TLL1: variants seen among roughly 807,000 people sequenced by gnomAD.
TLL1 encodes the protein tolloid like 1, also known as tolloid-like protein 1.
In TLL1, 49 loss-of-function variants were observed where a neutral mutation model predicts 128.2. The observed-to-expected ratio is 0.38, with a 90% CI of 0.30 to 0.48. The LOEUF (loss-of-function observed/expected upper bound fraction) is 0.48, where lower values mean the gene tolerates loss of function less well. Among genes scored for constraint, TLL1 ranks in the 20% least tolerant of loss-of-function variants. The pLI, the probability that TLL1 is intolerant of heterozygous loss-of-function variation, is 0.96. For synonymous variants in TLL1, 454 were observed against 418.8 expected (o/e 1.08, Z -1.03); for missense variants, 1,123 against 1,242.0 (o/e 0.90, Z 1.44).
At chr4:165,942,265 C>T (rs1431094082) in intron 1 of TLL1, among the ~76,000 whole-genome samples, 2 of 150,506 alleles carry the variant, frequency 1.3e-5, no homozygotes, top group African/African-American at 2.5e-5. Context: ...AGGTGCTTCC[C>T]ACCACCCTCC....
At position 166,102,597 on chromosome 4, in the gene TLL1, A is replaced by G. The variant is rs1256460802; in HGVS notation, c.*1721A>G. The G allele has an allele frequency of 6.6e-6, 1 of 152,156 alleles. No homozygotes were observed. Among genetic ancestry groups the G allele is most frequent in the South Asian group, 2.1e-4 (1 of 4,828 alleles). 9.4% of individuals were successfully genotyped at this position (152,156 alleles called of 1,614,324 possible). A position where few individuals can be genotyped will look rare whatever the true frequency, so the allele number is the denominator to read the frequency against. On this transcript the variant is annotated 3_prime_UTR_variant, in exon 21 of 21. Transcript: ENST00000061240. ...GATGTCAATATAGATTACTGTATGA[A>G]GTAGCTTTGTGTCTGTTACCTGTCC...
At chr4:165,893,834 T>C (rs933976581) in intron 1 of TLL1, among the ~76,000 whole-genome samples, 10 of 152,080 alleles carry the variant, frequency 6.6e-5, no homozygotes, top group African/African-American at 1.9e-4. Flanking sequence ...TGGTCCCACC[T>C]AAAAAAGCTA....
At chr4:166,053,505 A>G (rs1739855251) in intron 12 of TLL1, among the ~76,000 whole-genome samples, 1 of 152,138 alleles carries the variant, frequency 6.6e-6, no homozygotes, top group South Asian at 2.1e-4. Flanking sequence ...GAGAGTAGGC[A>G]CTGAGTATTT....
rs183402378 is a variant in TLL1, at chr4:165,991,835, A to G, written c.281-969A>G. The stretch of plus-strand genomic sequence containing the variant: ...ATACTCTATGAACCATAGATACTCC[A>G]TGTTACTACAAATTCATAGGCACTT... On this transcript the variant is annotated intron_variant, in intron 2 of 20. Coordinates refer to ENST00000061240, the MANE Select transcript of TLL1 (RefSeq NM_012464.5). 1.9e-3 allele frequency among the ~76,000 whole-genome samples: 294 copies of G among 152,136 alleles called. 1 individual carries two copies. Among genetic ancestry groups the G allele is most frequent in the Non-Finnish European group, 3.3e-3 (224 of 67,900 alleles).
intron 1 of TLL1, among the ~76,000 whole-genome samples, chr4:165,907,581 T>A (rs1044479959): frequency 6.6e-6 from 1 of 150,832 alleles, no homozygotes; most frequent in Non-Finnish European, 1.5e-5. Context: ...GGAGTTTTGA[T>A]CTTGTTGCCC....
chr4:166,087,105 C>A (rs990320112), intron 18 of TLL1, among the ~76,000 whole-genome samples: 1 of 152,076 alleles, frequency 6.6e-6, no homozygotes, highest in Non-Finnish European at 1.5e-5. Context: ...TTGAGGGTAC[C>A]TTTTTACCTT....
chr4:166,023,254 G>T (rs1344011494), intron 8 of TLL1, among the ~76,000 whole-genome samples: 1 of 152,090 alleles, frequency 6.6e-6, no homozygotes, highest in Non-Finnish European at 1.5e-5. Flanking sequence ...ACAAAAATTA[G>T]CTGGGAGTGT....
chr4:165,965,125 C>T lies in TLL1; in HGVS notation c.170-24256C>T, dbSNP rs565877142. On this transcript the variant is annotated intron_variant, in intron 1 of 20. Transcript: ENST00000061240. Reference sequence around the variant, plus strand: ...TTCAAAAACTGCATTTTTAGTCTGTCCTTGACTTTGTTTCTATGTTAAATT... The same window carrying T: ...TTCAAAAACTGCATTTTTAGTCTGTTCTTGACTTTGTTTCTATGTTAAATT... 2.2e-3 allele frequency among the ~76,000 whole-genome samples: 338 copies of T among 151,888 alleles called. 6 individuals are homozygous for T. The highest frequency in any genetic ancestry group is 0.019 in the Admixed American group (292 of 15,264).
At chr4:166,034,734 G>A (rs1198344436) in intron 9 of TLL1, among the ~76,000 whole-genome samples, 1 of 152,076 alleles carries the variant, frequency 6.6e-6, no homozygotes, top group Admixed American at 6.6e-5. Context: ...GGGGTGTAGT[G>A]GGAATTTAGG....
chr4:165,938,337 C>T (rs186223592), intron 1 of TLL1, among the ~76,000 whole-genome samples: 3 of 151,866 alleles, frequency 2.0e-5, no homozygotes, highest in Admixed American at 1.3e-4. Context: ...GATTTTATTC[C>T]CAGTGTTCTG....
chr4:166,008,585 G>C (rs1211141323), intron 7 of TLL1, among the ~76,000 whole-genome samples: 2 of 151,386 alleles, frequency 1.3e-5, no homozygotes, highest in African/African-American at 4.8e-5. Flanking sequence ...ATATAATTTA[G>C]AATTATAGTT....
At chr4:165,965,255 G>T (rs1735311777) in intron 1 of TLL1, among the ~76,000 whole-genome samples, 1 of 152,098 alleles carries the variant, frequency 6.6e-6, no homozygotes, top group Non-Finnish European at 1.5e-5. Context: ...AATTTTTGAT[G>T]AGGTTATATT....
chr4:165,925,653 G>A (rs141368137), intron 1 of TLL1, among the ~76,000 whole-genome samples: 115 of 152,318 alleles, frequency 7.5e-4, no homozygotes, highest in African/African-American at 2.7e-3. Context: ...CAGTGGCAGA[G>A]TTTGAGAAGA....
At chr4:166,051,412 G>A (rs1739728358) in intron 12 of TLL1, among the ~76,000 whole-genome samples, 1 of 150,296 alleles carries the variant, frequency 6.7e-6, no homozygotes, top group African/African-American at 2.5e-5. Context: ...TTTTACTGAT[G>A]AAGCTTAAAC....
chr4:165,946,618 G>A (rs1313583699), intron 1 of TLL1, among the ~76,000 whole-genome samples: 1 of 151,758 alleles, frequency 6.6e-6, no homozygotes, highest in Non-Finnish European at 1.5e-5. Context: ...CGAATTATAG[G>A]CGTGAGCCAT....
intron 8 of TLL1, among the ~76,000 whole-genome samples, chr4:166,020,591 C>A (rs73863525): frequency 0.018 from 2,755 of 152,194 alleles, 73 homozygotes; most frequent in African/African-American, 0.061. Context: ...CCACTTTACC[C>A]TACTCATAGG....
chr4:165,882,768 G>T (rs561597241), intron 1 of TLL1, among the ~76,000 whole-genome samples: 1 of 151,926 alleles, frequency 6.6e-6, no homozygotes, highest in Non-Finnish European at 1.5e-5. Context: ...ACAGGCATGC[G>T]CCACCACGCC....
chr4:165,988,444 T>C (rs1390471177), intron 1 of TLL1, among the ~76,000 whole-genome samples: 1 of 151,806 alleles, frequency 6.6e-6, no homozygotes, highest in Non-Finnish European at 1.5e-5. Context: ...ACCCTTTCTG[T>C]ACAAAAAATA....
At position 166,014,680 on chromosome 4, in the gene TLL1, A is replaced by G. The variant is rs1363788226; in HGVS notation, c.1042+120A>G. ...CTCCCTGTTGGCAAGTGACGTGTAC[A>G]GTTCAAAGTCAGTAATCATAAAATG... On this transcript the variant is annotated intron_variant, in intron 8 of 20. Transcript: ENST00000061240. 4.8e-6 allele frequency: 7 copies of G among 1,464,954 alleles called. No individual in the cohort carries two copies. In the African/African-American group the frequency reaches 8.3e-5, roughly 17 times the overall value. 90.7% of individuals were successfully genotyped at this position (1,464,954 alleles called of 1,614,324 possible). A position where few individuals can be genotyped will look rare whatever the true frequency, so the allele number is the denominator to read the frequency against.
Sources: gnomAD v4.1 joint callset for allele counts (sites outside exome capture counted in the v4.1 genomes callset) on GRCh38, gnomAD v4.1.1 for gene constraint, MANE v1.5 for transcripts, NCBI Gene and HGNC (gene_info 2026-07-23, HGNC 2026-07-21) for gene names.